The following SHANK2 variants were observed in gnomAD, a reference collection of about 807,000 sequenced individuals.
The protein encoded by SHANK2 is SH3 and multiple ankyrin repeat domains 2.
Under a neutral mutation model 133.7 loss-of-function variants are expected in SHANK2, and 43 were observed. The ratio of observed to expected loss-of-function variants is 0.32; its 90% CI spans 0.25 to 0.41. The LOEUF is 0.41. SHANK2 is among the 10% of genes least tolerant of loss of function. The pLI, the probability that SHANK2 is intolerant of heterozygous loss-of-function variation, is 1.00. For missense variants in SHANK2, 1,994 were observed against 2,235.8 expected, an observed-to-expected ratio of 0.89 and a Z score of 2.18; for synonymous variants, 1,017 against 952.8, an observed-to-expected ratio of 1.07 and a Z score of -1.24.
intron 17 of SHANK2, among the ~76,000 whole-genome samples, chr11:70,533,718 G>A (rs1454028260): frequency 1.3e-5 from 2 of 152,082 alleles, no homozygotes; most frequent in African/African-American, 4.8e-5. Context: ...CATTCACAGT[G>A]TTGTGCAAGC....
At chr11:70,891,378 C>T (rs1382806658) in intron 11 of SHANK2, among the ~76,000 whole-genome samples, 3 of 151,316 alleles carry the variant, frequency 2.0e-5, no homozygotes, top group African/African-American at 4.9e-5. Flanking sequence ...GGCGGGCGCC[C>T]GTAGTCCCAG....
intron 14 of SHANK2, among the ~76,000 whole-genome samples, chr11:70,717,526 C>G (rs974485355): frequency 2.6e-5 from 4 of 152,180 alleles, no homozygotes; most frequent in Non-Finnish European, 5.9e-5. Flanking sequence ...CACAGTCCCC[C>G]TAAAACACAC....
intron 6 of SHANK2, among the ~76,000 whole-genome samples, chr11:71,096,520 G>A (rs988289050): frequency 6.6e-6 from 1 of 152,186 alleles, no homozygotes; most frequent in Non-Finnish European, 1.5e-5. Context: ...GTGTCCGAGG[G>A]CATCTGGGGA....
chr11:70,820,557 C>T lies in SHANK2; in HGVS notation c.1300G>A (p.Ala434Thr), dbSNP rs984322559. 9 of 716,878 alleles carry T rather than the reference C, an allele frequency of 1.3e-5. No homozygotes were observed. Among genetic ancestry groups the T allele is most frequent in the Non-Finnish European group, 2.1e-5 (8 of 384,762 alleles). The allele number at this position is 716,878 out of a possible 1,614,324, so 44.4% of individuals were successfully genotyped here. A position where few individuals can be genotyped will look rare whatever the true frequency, so the allele number is the denominator to read the frequency against. Residue 434 changes from alanine to threonine, a missense_variant, in exon 12 of 26, where the codon GCC (alanine) becomes ACC (threonine). Coordinates refer to ENST00000601538, the MANE Select transcript of SHANK2 (RefSeq NM_012309.5). ...NNLNASAPDW[A>T]VCSTATSHRS... ...TGCGAGGTGGCCGTGGAGCAGACGG[C>T]CCAGTCGGGAGCGCTGGCATTGAGG...
At chr11:71,070,011 T>C (rs1565434698) in intron 9 of SHANK2, among the ~76,000 whole-genome samples, 1 of 151,388 alleles carries the variant, frequency 6.6e-6, no homozygotes, top group East Asian at 2.0e-4. Context: ...GGAGTGAGTA[T>C]AGCAAGGTGT....
At chr11:70,684,725 AGT>A (rs1945109287) in intron 15 of SHANK2, among the ~76,000 whole-genome samples, 2 of 151,824 alleles carry the variant, frequency 1.3e-5, no homozygotes, top group African/African-American at 4.8e-5. Flanking sequence ...TGACTCAGTG[AGT>A]GCCTGAGTCA....
chr11:71,174,383 T>TA (rs879965344), intron 2 of SHANK2, among the ~76,000 whole-genome samples: 73 of 152,072 alleles, frequency 4.8e-4, no homozygotes, highest in Non-Finnish European at 8.7e-4. Context: ...CTCATTTCTA[T>TA]AAAAAATCAA....
intron 14 of SHANK2, among the ~76,000 whole-genome samples, chr11:70,730,008 C>CGAG (rs1555031725): frequency 6.6e-6 from 1 of 151,992 alleles, no homozygotes; most frequent in Non-Finnish European, 1.5e-5. Flanking sequence ...ACCGCCTCTC[C>CGAG]CTGCCTCGGT....
intron 14 of SHANK2, among the ~76,000 whole-genome samples, chr11:70,722,192 A>C (rs1488327765): frequency 6.6e-6 from 1 of 152,254 alleles, no homozygotes; most frequent in Non-Finnish European, 1.5e-5. Flanking sequence ...TCAGGGGCTA[A>C]GTATGCACAC....
chr11:70,650,086 C>T (rs182122504), intron 17 of SHANK2, among the ~76,000 whole-genome samples: 5 of 152,276 alleles, frequency 3.3e-5, no homozygotes, highest in African/African-American at 7.2e-5. Flanking sequence ...TGGAAGCACA[C>T]GGTGTGAGTG....
intron 4 of SHANK2, among the ~76,000 whole-genome samples, 167 bp from the exon 5 acceptor site, chr11:71,113,531 A>T (rs1951926778): frequency 6.6e-6 from 1 of 152,190 alleles, no homozygotes; most frequent in Admixed American, 6.5e-5. Context: ...AGCCTACAAC[A>T]TCCTCAGCAT....
Position 70,490,294 on chromosome 11 carries a change from G to T in SHANK2, c.2533C>A (p.Arg845=). ...PFLGIPRGTM[R]RQKSIDSRIF... is the part of the protein sequence containing the mutation. ...TTCTTACCTATTGATTTCTGCCTTC[G>T]CATCGTACCTCGAGGGATGCCCAGA... Residue 845 remains arginine (R), a synonymous_variant, in exon 23 of 26, where the codon CGA becomes AGA. Coordinates refer to ENST00000601538, the MANE Select transcript of SHANK2 (RefSeq NM_012309.5). 1.2e-6 allele frequency: 2 copies of T among 1,614,078 alleles called. No individual in the cohort carries two copies. The highest frequency in any genetic ancestry group is 2.2e-5 in the South Asian group (2 of 91,088).
chr11:70,824,016 T>C (rs1948598457), intron 11 of SHANK2, among the ~76,000 whole-genome samples: 1 of 140,144 alleles, frequency 7.1e-6, no homozygotes, highest in Non-Finnish European at 1.5e-5. Flanking sequence ...GGGACACATG[T>C]GGTGCTGGCA....
At chr11:70,950,041 A>G (rs1161306124) in intron 10 of SHANK2, 10 of 456,492 alleles carry the variant, frequency 2.2e-5, no homozygotes, top group South Asian at 1.5e-4. Context: ...TCATGGGCGG[A>G]AAGACAAGGC....
At position 70,485,916 on chromosome 11, in the gene SHANK2, A is replaced by T; in HGVS notation, c.4377T>A (p.Ser1459=). 1 of 1,614,068 alleles carries T rather than the reference A, an allele frequency of 6.2e-7. No homozygotes were observed. Among genetic ancestry groups the T allele is most frequent in the Non-Finnish European group, 8.5e-7 (1 of 1,180,018 alleles). The change falls in exon 25 of 26, where the codon TCT becomes TCA. Residue 1459 remains serine (S), a synonymous_variant. Transcript: ENST00000601538. The surrounding 1 kb of genome is among the most constrained non-coding windows in gnomAD (Gnocchi z 5.8). ...GACTGGCTGGCTTCTTGCTGTCTGC[A>T]GAGTTGGTTGGTTGGCTGGAGTTCA... ...PSLNSSQPTN[S]ADSKKPASLS... is the part of the protein sequence containing the mutation.
At chr11:71,065,045 C>T (rs1206617433) in intron 9 of SHANK2, among the ~76,000 whole-genome samples, 4 of 152,036 alleles carry the variant, frequency 2.6e-5, no homozygotes, top group South Asian at 2.1e-4. Flanking sequence ...GTGCAGACGC[C>T]GAGAGATGCC....
chr11:71,083,971 C>CT (rs1184566420), intron 8 of SHANK2, among the ~76,000 whole-genome samples: 1,145 of 33,550 alleles, frequency 0.034, 18 homozygotes, highest in African/African-American at 0.063. Context: ...TGAATAACAA[C>CT]TTTTTTTTGG....
intron 11 of SHANK2, among the ~76,000 whole-genome samples, chr11:70,865,516 G>T (rs1555068843): frequency 6.6e-6 from 1 of 152,156 alleles, no homozygotes; most frequent in African/African-American, 2.4e-5. Context: ...TGCCGGAATG[G>T]CCAGGCTGAG....
intron 22 of SHANK2, among the ~76,000 whole-genome samples, 156 bp downstream of exon 22, chr11:70,492,179 C>A (rs34373882): frequency 1.2e-4 from 19 of 152,198 alleles, no homozygotes; most frequent in African/African-American, 4.3e-4. Context: ...TGCACAGACC[C>A]GGCTCTTTGT....
Sources: allele counts gnomAD v4.1 joint callset (sites outside exome capture counted in the v4.1 genomes callset), GRCh38; gene constraint gnomAD v4.1.1; non-coding constraint Gnocchi (gnomAD v3.1); transcripts MANE v1.5; gene names NCBI Gene and HGNC (gene_info 2026-07-23, HGNC 2026-07-21).